Variants in LRP2 observed in about 807,000 individuals in gnomAD.
LRP2 encodes the protein LDL receptor related protein 2, also known as low-density lipoprotein receptor-related protein 2.
LRP2 carries 172 observed loss-of-function variants against 531.0 expected under a neutral mutation model. The observed-to-expected ratio is 0.32, with a 90% confidence interval of 0.29 to 0.37. The LOEUF (loss-of-function observed/expected upper bound fraction) is 0.37. LRP2 is among the 10% of genes least tolerant of loss of function. The pLI is 1.00. For missense variants in LRP2, 5,167 were observed against 5,868.3 expected (o/e 0.88, Z 3.90); for synonymous variants, 1,992 against 2,027.6 (o/e 0.98, Z 0.47).
At chr2:169,338,740 A>G (rs1431093952) in intron 1 of LRP2, among the ~76,000 whole-genome samples, 1 of 152,256 alleles carries the variant, frequency 6.6e-6, no homozygotes, top group Non-Finnish European at 1.5e-5. Flanking sequence ...CAGATGCTGC[A>G]TACTACTGGG....
chr2:169,147,111 G>A, intron 68 of LRP2, 152 bp from the exon 69 acceptor site: 1 of 687,962 alleles, frequency 1.5e-6, no homozygotes, highest in Non-Finnish European at 2.6e-6. Flanking sequence ...CAGAAGATGG[G>A]GAGCAAAAAT....
In LRP2 at chr2:169,320,897, A is replaced by G. The variant is rs201879092; in HGVS notation, c.80-13T>C. The G allele has an allele frequency of 5.4e-5, 86 of 1,592,602 alleles. 1 individual carries two copies. The African/African-American group carries it at 9.4e-4, about 17-fold the overall frequency. On this transcript the variant is annotated splice_polypyrimidine_tract_variant and intron_variant, in intron 1 of 78. Coordinates refer to ENST00000649046, the MANE Select transcript of LRP2 (RefSeq NM_004525.3). ...GCACTGTCACATTCTGCAATAATAG[A>G]CAGAAATTTTAAAAACTTATGCCAT...
At chr2:169,165,199 C>T (rs1278763517) in intron 62 of LRP2, among the ~76,000 whole-genome samples, 1 of 152,070 alleles carries the variant, frequency 6.6e-6, no homozygotes, top group Non-Finnish European at 1.5e-5. Context: ...CTTAATTTTC[C>T]CAGATAATGT....
At chr2:169,300,885 T>C (rs547930924) in intron 4 of LRP2, among the ~76,000 whole-genome samples, 11 of 152,030 alleles carry the variant, frequency 7.2e-5, no homozygotes, top group Non-Finnish European at 1.6e-4. Context: ...ACCCTCACAG[T>C]CCACAAAATG....
intron 48 of LRP2, among the ~76,000 whole-genome samples, chr2:169,190,143 G>A (rs16856558): frequency 0.077 from 11,645 of 152,210 alleles, 1,087 homozygotes; most frequent in African/African-American, 0.22. Context: ...AACTATAGAA[G>A]TGCAACACAA....
chr2:169,287,781 A>G (rs1683896811), intron 9 of LRP2, among the ~76,000 whole-genome samples: 1 of 151,018 alleles, frequency 6.6e-6, no homozygotes, highest in Non-Finnish European at 1.5e-5. Context: ...TAACTGCATT[A>G]GGTTTATCTA....
At chr2:169,234,053 T>C (rs1356972194) in intron 29 of LRP2, among the ~76,000 whole-genome samples, 1 of 152,240 alleles carries the variant, frequency 6.6e-6, no homozygotes, top group Non-Finnish European at 1.5e-5. Flanking sequence ...CAATCTGTTA[T>C]AGTTTAGATG....
At chr2:169,189,424 T>C (rs552074947) in intron 48 of LRP2, among the ~76,000 whole-genome samples, 2 of 152,308 alleles carry the variant, frequency 1.3e-5, no homozygotes, top group East Asian at 1.9e-4. Context: ...CCGGGAGCTA[T>C]TTAACTCATT....
At chr2:169,161,471 A>ATTGT (rs573279940) in intron 63 of LRP2, among the ~76,000 whole-genome samples, 105 of 151,298 alleles carry the variant, frequency 6.9e-4, no homozygotes, top group South Asian at 5.9e-3. Flanking sequence ...TTTTTGTTTG[A>ATTGT]TTGTTTGTTT....
At chr2:169,211,065 A>C (rs1688574483) in intron 37 of LRP2, among the ~76,000 whole-genome samples, 1 of 152,206 alleles carries the variant, frequency 6.6e-6, no homozygotes, top group Non-Finnish European at 1.5e-5. Context: ...TCTGTACAAG[A>C]TGATAACTTA....
At position 169,206,928 on chromosome 2, in the gene LRP2, A is replaced by G; in HGVS notation, c.6792T>C (p.Asn2264=). Residue 2264 remains asparagine, a synonymous_variant, in exon 39 of 79, where the codon AAT becomes AAC. Coordinates refer to ENST00000649046, the MANE Select transcript of LRP2 (RefSeq NM_004525.3). ...SLDIIARIRI[N]GENSEVIRYG... ...AACGAATCACTTCAGAGTTCTCTCC[A>G]TTGATACGAATCCTTGCAATTATAT... 1 of 1,614,252 alleles carries G rather than the reference A, an allele frequency of 6.2e-7. No individual in the cohort carries two copies.
At chr2:169,160,042 CA>C (rs1403249242) in intron 63 of LRP2, among the ~76,000 whole-genome samples, 4 of 152,142 alleles carry the variant, frequency 2.6e-5, no homozygotes, top group African/African-American at 9.7e-5. Context: ...CTGATTTCCC[CA>C]AACCCAAACA....
At chr2:169,341,041 T>C (rs188412007) in intron 1 of LRP2, among the ~76,000 whole-genome samples, 64 of 152,258 alleles carry the variant, frequency 4.2e-4, no homozygotes, top group Non-Finnish European at 4.4e-5. Flanking sequence ...ACACAAATGA[T>C]TGTATCTCAT....
chr2:169,140,423 C>T, intron 72 of LRP2, 32 bp downstream of exon 72: 3 of 1,560,116 alleles, frequency 1.9e-6, no homozygotes, highest in Non-Finnish European at 2.7e-6. Context: ...AGAGGCAAGG[C>T]CTATAGCTGG....
At chr2:169,271,141 A>T (rs367755899) in intron 15 of LRP2, 34 bp from the exon 16 acceptor site, 10 of 1,496,248 alleles carry the variant, frequency 6.7e-6, no homozygotes, top group Non-Finnish European at 9.3e-6. Context: ...AGTCAGTCAC[A>T]GCATGGTTCT....
intron 52 of LRP2, among the ~76,000 whole-genome samples, chr2:169,180,702 A>G (rs1482665578): frequency 6.6e-6 from 1 of 152,246 alleles, no homozygotes; most frequent in African/African-American, 2.4e-5. Context: ...AAATAGTTCT[A>G]CTGAATGAAT....
intron 2 of LRP2, among the ~76,000 whole-genome samples, chr2:169,320,022 T>G (rs1559073575): frequency 1.3e-5 from 2 of 152,224 alleles, no homozygotes; most frequent in African/African-American, 2.4e-5. Context: ...GTTCACCTGC[T>G]GGGATGAAGG....
At chr2:169,221,886 C>T (rs568992706) in intron 33 of LRP2, among the ~76,000 whole-genome samples, 3 of 152,224 alleles carry the variant, frequency 2.0e-5, no homozygotes, top group South Asian at 4.1e-4. Context: ...CCTTTTCTTG[C>T]TTTCTGGAAT....
chr2:169,240,039 C>A (rs1414391579), intron 25 of LRP2, among the ~76,000 whole-genome samples: 2 of 152,140 alleles, frequency 1.3e-5, no homozygotes, highest in Non-Finnish European at 2.9e-5. Context: ...CCATTTAATG[C>A]AATGAGAACC....
Sources: allele counts gnomAD v4.1 joint callset (sites outside exome capture counted in the v4.1 genomes callset), GRCh38; gene constraint gnomAD v4.1.1; transcripts MANE v1.5; gene names NCBI Gene and HGNC (gene_info 2026-07-23, HGNC 2026-07-21).